SH2B2: variants seen among roughly 807,000 people sequenced by gnomAD.
SH2B2 encodes the protein SH2B adapter protein 2.
SH2B2 carries 37 observed loss-of-function variants against 35.7 expected under a neutral mutation model. The ratio of observed to expected loss-of-function variants is 1.04; its 90% confidence interval spans 0.80 to 1.36. The LOEUF (loss-of-function observed/expected upper bound fraction) is 1.36, where lower values mean the gene tolerates loss of function less well. SH2B2 is among the 40% of genes most tolerant of loss of function. SH2B2 has a pLI of 0.00. For synonymous variants in SH2B2, 383 were observed against 376.4 expected, an observed-to-expected ratio of 1.02 and a Z score of -0.20; for missense variants, 852 against 817.7, an observed-to-expected ratio of 1.04 and a Z score of -0.51.
At position 102,300,685 on chromosome 7, in the gene SH2B2, C is replaced by T; in HGVS notation, c.135C>T (p.Phe45=). 1 of 1,546,738 alleles carries T rather than the reference C, an allele frequency of 6.5e-7. No homozygotes were observed. The highest frequency in any genetic ancestry group is 8.7e-7 in the Non-Finnish European group (1 of 1,143,664). The stretch of plus-strand genomic sequence containing the variant: ...ACTTTGCGCACAAGTTCTGCCGTTT[C>T]CTGCGGGACAACCCAGCTTACGACA... The part of the protein sequence containing the change: ...AVDFAHKFCR[F]LRDNPAYDTP... Residue 45 remains phenylalanine (F), a synonymous_variant, in exon 2 of 9, where the codon TTC becomes TTT. Transcript: ENST00000444095.
chr7:102,305,591 A>G (rs1486509035), intron 2 of SH2B2, among the ~76,000 whole-genome samples: 3 of 152,130 alleles, frequency 2.0e-5, no homozygotes, highest in Non-Finnish European at 2.9e-5. Context: ...CGTGAACTAG[A>G]ATAGAATAGA....
upstream of SH2B2, among the ~76,000 whole-genome samples, chr7:102,286,501 G>A (rs570108979): frequency 6.6e-6 from 1 of 152,086 alleles, no homozygotes; most frequent in African/African-American, 2.4e-5. Context: ...GCGCTCCCGG[G>A]GCCACCACCA....
At chr7:102,306,865 A>G (rs1019672581) in intron 3 of SH2B2, 43 bp downstream of exon 3, 12 of 1,457,956 alleles carry the variant, frequency 8.2e-6, no homozygotes, top group Non-Finnish European at 1.1e-5. Flanking sequence ...CAGCTGCCCC[A>G]GGCCACCTTC....
At chr7:102,310,379 CAT>C (rs1187430124) in intron 4 of SH2B2, among the ~76,000 whole-genome samples, 7 of 152,134 alleles carry the variant, frequency 4.6e-5, no homozygotes, top group African/African-American at 1.4e-4. Flanking sequence ...TCGCAGGGAA[CAT>C]CAAGGCCTTT....
Position 102,318,155 on chromosome 7 carries a change from T to G in SH2B2, c.1395+760T>G, listed in dbSNP as rs1725605. Among the ~76,000 whole-genome samples, 28 of 152,056 alleles carry G rather than the reference T, an allele frequency of 1.8e-4. 2 individuals carry two copies. Among genetic ancestry groups the G allele is most frequent in the African/African-American group, 6.0e-4 (25 of 41,456 alleles). Reference sequence around the variant, plus strand: ...ATGCTTTGTTTTTGTTTTTGTTTTTTTTTGAGACAGTCTCGCTCTATCCTC... The same window carrying G: ...ATGCTTTGTTTTTGTTTTTGTTTTTGTTTGAGACAGTCTCGCTCTATCCTC... On this transcript the variant is annotated intron_variant, in intron 7 of 8. Coordinates refer to ENST00000444095, the MANE Select transcript of SH2B2 (RefSeq NM_001359228.2).
chr7:102,301,278 A>G lies in SH2B2; in HGVS notation c.728A>G (p.Lys243Arg). Residue 243 changes from lysine (K) to arginine (R), a missense_variant and splice_region_variant, in exon 2 of 9, where the codon AAA (lysine) becomes AGA (arginine). By Grantham distance (26) the Lys-to-Arg change is conservative (BLOSUM62 2). Coordinates refer to ENST00000444095, the MANE Select transcript of SH2B2 (RefSeq NM_001359228.2). ...CGCCTGGAGTTCTTCGTGCCGCCCA[A>G]AGTGAGTTACCCCATAATCCCACCT... Reference protein sequence around the residue: ...RFRLEFFVPPKASRPKVSIPL... With the variant: ...RFRLEFFVPPRASRPKVSIPL... 1 of 1,602,966 alleles carries G rather than the reference A, an allele frequency of 6.2e-7. No homozygotes were observed. The highest frequency in any genetic ancestry group is 8.5e-7 in the Non-Finnish European group (1 of 1,175,336).
At chr7:102,316,420 C>G (rs1382703049) in intron 6 of SH2B2, among the ~76,000 whole-genome samples, 1 of 150,828 alleles carries the variant, frequency 6.6e-6, no homozygotes, top group South Asian at 2.1e-4. Flanking sequence ...AACCCTGTCT[C>G]TACTAAAAAT....
intron 1 of SH2B2, among the ~76,000 whole-genome samples, chr7:102,288,427 C>G (rs803091): frequency 0.28 from 42,414 of 151,918 alleles, 5,933 homozygotes; most frequent in East Asian, 0.43. Context: ...TACCAACATA[C>G]AAGAACAGCC....
chr7:102,317,498 C>A (rs1230358131), intron 7 of SH2B2, 103 bp downstream of exon 7: 10 of 1,129,952 alleles, frequency 8.8e-6, no homozygotes, highest in Non-Finnish European at 1.1e-5. Flanking sequence ...CAGCTGCAGG[C>A]GAACAGGTGT....
chr7:102,290,489 T>G (rs10231185), intron 1 of SH2B2, among the ~76,000 whole-genome samples: 6,906 of 152,206 alleles, frequency 0.045, 283 homozygotes, highest in African/African-American at 0.11. Flanking sequence ...GGTCTCAAAC[T>G]CCTGACCTCA....
chr7:102,295,587 G>A (rs1474296436), intron 1 of SH2B2, among the ~76,000 whole-genome samples: 2 of 152,232 alleles, frequency 1.3e-5, no homozygotes, highest in Non-Finnish European at 2.9e-5. Context: ...CTCTGTGTCA[G>A]ATGGGGAGAC....
chr7:102,286,586 T>C (rs1792452797), upstream of SH2B2, among the ~76,000 whole-genome samples: 1 of 151,434 alleles, frequency 6.6e-6, no homozygotes, highest in Non-Finnish European at 1.5e-5. Context: ...CTCGGCGACA[T>C]GGGGACCCCC....
upstream of SH2B2, chr7:102,286,809 C>G (rs1242765655): frequency 3.4e-5 from 1 of 29,716 alleles, no homozygotes; most frequent in African/African-American, 1.4e-4. Flanking sequence ...GGCCGGGGCT[C>G]GCGGCGGGGG....
At chr7:102,302,247 C>A (rs1401286922) in intron 2 of SH2B2, among the ~76,000 whole-genome samples, 1 of 152,228 alleles carries the variant, frequency 6.6e-6, no homozygotes, top group Non-Finnish European at 1.5e-5. Context: ...CTCCCAGAGC[C>A]GAGGCCTGCA....
intron 8 of SH2B2, among the ~76,000 whole-genome samples, chr7:102,320,954 C>T (rs1554558322): frequency 2.7e-5 from 4 of 150,326 alleles, no homozygotes; most frequent in African/African-American, 7.5e-5. Flanking sequence ...TGCCCGTGTG[C>T]GTACGCTTAC....
chr7:102,303,369 C>T (rs1416319606), intron 2 of SH2B2, among the ~76,000 whole-genome samples: 1 of 152,162 alleles, frequency 6.6e-6, no homozygotes, highest in Non-Finnish European at 1.5e-5. Flanking sequence ...CCAGGGACCA[C>T]CGGGGACCCC....
In SH2B2 at chr7:102,294,644, A is replaced by G. The variant is rs74465498; in HGVS notation, c.-29-5878A>G. On this transcript the variant is annotated intron_variant, in intron 1 of 8. Coordinates refer to ENST00000444095, the MANE Select transcript of SH2B2 (RefSeq NM_001359228.2). ...GCTCCCTACATGGGGTCTCCTCCCCAGTTCTGGTCCCAAAGATGGGTGGGG... is the reference window on the plus strand; with the variant it reads ...GCTCCCTACATGGGGTCTCCTCCCCGGTTCTGGTCCCAAAGATGGGTGGGG... 6.6e-3 allele frequency among the ~76,000 whole-genome samples: 1,012 copies of G among 152,190 alleles called. 11 individuals are homozygous for G. Among genetic ancestry groups the G allele is most frequent in the African/African-American group, 0.023 (956 of 41,532 alleles).
chr7:102,298,911 TCTC>T (rs1388408465), intron 1 of SH2B2, among the ~76,000 whole-genome samples: 2 of 145,118 alleles, frequency 1.4e-5, no homozygotes, highest in African/African-American at 2.6e-5. Context: ...CTTTCTTTCT[TCTC>T]TTTTTTTTTT....
At position 102,317,173 on chromosome 7, in the gene SH2B2, C is replaced by T. The variant is rs577028578; in HGVS notation, c.1187-14C>T. The T allele has an allele frequency of 6.5e-5, 102 of 1,571,322 alleles. No homozygotes were observed. In the South Asian group the frequency reaches 8.3e-4, roughly 13 times the overall value. On this transcript the variant is annotated splice_polypyrimidine_tract_variant and intron_variant, in intron 6 of 8. Transcript: ENST00000444095. ...CTTCCCCCCATGTTCCTCACACTGT[C>T]ATCCCCACCTCAGGGGAACAGGGTG...
Sources: allele counts gnomAD v4.1 joint callset (sites outside exome capture counted in the v4.1 genomes callset), GRCh38; gene constraint gnomAD v4.1.1; transcripts MANE v1.5; gene names NCBI Gene and HGNC (gene_info 2026-07-23, HGNC 2026-07-21).